Variants in L3MBTL1 observed in about 807,000 individuals in gnomAD.
L3MBTL1 encodes L3MBTL histone methyl-lysine binding protein 1.
A neutral mutation model predicts 105.3 loss-of-function variants in L3MBTL1; 75 were observed. That is an observed-to-expected ratio of 0.71 (90% CI 0.59 to 0.86). L3MBTL1 has a LOEUF of 0.86. Ranked by LOEUF, L3MBTL1 falls within the 40% of genes least tolerant of loss-of-function variation. The pLI is 0.00. For synonymous variants in L3MBTL1, 452 were observed against 436.2 expected (o/e 1.04, Z -0.45); for missense variants, 1,069 against 1,126.4 (o/e 0.95, Z 0.73).
At chr20:43,539,275 A>T (rs185168781) in intron 19 of L3MBTL1, 30 of 152,884 alleles carry the variant, frequency 2.0e-4, no homozygotes, top group Admixed American at 1.6e-3. Flanking sequence ...CTCCTGGACC[A>T]TGGACAGAGG....
chr20:43,514,533 G>C, intron 3 of L3MBTL1, 102 bp from the exon 4 acceptor site: 3 of 1,575,686 alleles, frequency 1.9e-6, no homozygotes, highest in Non-Finnish European at 2.6e-6. Context: ...CCTGCTGAGG[G>C]CGTGAGCTGG....
rs2019921985 is a variant in L3MBTL1 at position 43,541,698 on chromosome 20, ATATGTTCCACTATAATCT to A, written c.*575_*592del. 1.7e-5 allele frequency: 9 copies of A among 515,722 alleles called. No individual in the cohort carries two copies. The highest frequency in any genetic ancestry group is 2.3e-5 in the Non-Finnish European group (9 of 399,272). 31.9% of individuals were successfully genotyped at this position (515,722 alleles called of 1,614,324 possible). A position where few individuals can be genotyped will look rare whatever the true frequency, so the allele number is the denominator to read the frequency against. ...CAAGGGCCATGTATCAGGTTTCTGT[ATATGTTCCACTATAATCT>A]TATGGGACCATGGTTTTAAATGTGG... On this transcript the variant is annotated 3_prime_UTR_variant, in exon 22 of 22. Coordinates refer to ENST00000418998, the MANE Select transcript of L3MBTL1 (RefSeq NM_001377303.1).
rs899889917 is a variant in L3MBTL1 at position 43,516,098 on chromosome 20, G to A, written c.783G>A (p.Lys261=). ...ATCAGGCTTGCCTTCTACAGGAGAA[G>A]CAAGAAGAAGGAAAGGACCCAGAGG... ...EEESEPEAME[K]QEEGKDPEGQ... The change falls in exon 7 of 22, where the codon AAG becomes AAA. Residue 261 remains lysine (K), a synonymous_variant. Coordinates refer to ENST00000418998, the MANE Select transcript of L3MBTL1 (RefSeq NM_001377303.1). 1.9e-6 allele frequency: 3 copies of A among 1,613,102 alleles called. No individual in the cohort carries two copies. Among genetic ancestry groups the A allele is most frequent in the East Asian group, 2.2e-5 (1 of 44,888 alleles).
intron 21 of L3MBTL1, 39 bp from the exon 22 acceptor site, chr20:43,540,895 G>A (rs370833382): frequency 6.6e-5 from 106 of 1,612,340 alleles, no homozygotes; most frequent in Middle Eastern, 1.6e-4. Context: ...CCTCCCCAGC[G>A]TCACTTCTGC....
chr20:43,533,912 G>T (rs2019468610), intron 13 of L3MBTL1, 96 bp from the exon 14 acceptor site: 1 of 848,124 alleles, frequency 1.2e-6, no homozygotes, highest in Non-Finnish European at 2.0e-6. Flanking sequence ...TACTCCAAGG[G>T]CTTCTGTCCC....
chr20:43,513,942 C>CCAGT lies in L3MBTL1; in HGVS notation c.242_245dup (p.Ala84PhefsTer9). The CCAGT allele has an allele frequency of 6.5e-7, 1 of 1,550,048 alleles. No homozygotes were observed. The highest frequency in any genetic ancestry group is 8.7e-7 in the Non-Finnish European group (1 of 1,146,994). On this transcript the variant is annotated frameshift_variant, in exon 3 of 22. Coordinates refer to ENST00000418998, the MANE Select transcript of L3MBTL1 (RefSeq NM_001377303.1). LOFTEE classifies it high-confidence loss of function. Reference sequence around the variant, plus strand: ...CCCGGAGCAAGTGGCCGGCTGCGAACCAGTTTCTGCCACCGTCCTGCCGCA... The same window carrying CCAGT: ...CCCGGAGCAAGTGGCCGGCTGCGAACCAGTCAGTTTCTGCCACCGTCCTGCCGCA...
intron 6 of L3MBTL1, 133 bp from the exon 7 acceptor site, chr20:43,515,960 C>A: frequency 1.5e-6 from 1 of 648,826 alleles, no homozygotes. Flanking sequence ...CTGCTGGCGG[C>A]CTAGAAGAAA....
At chr20:43,514,982 G>A (rs773026915) in intron 4 of L3MBTL1, 27 bp from the exon 5 acceptor site, 25 of 1,608,538 alleles carry the variant, frequency 1.6e-5, no homozygotes, top group Non-Finnish European at 2.1e-5. Context: ...TGGGGAGGGA[G>A]GCCTGAGGCC....
rs533841289 is a variant in L3MBTL1 at position 43,510,062 on chromosome 20, A to C, written c.-29+2318A>C. Among the ~76,000 whole-genome samples, 7 of 152,162 alleles carry C rather than the reference A, an allele frequency of 4.6e-5. No homozygotes were observed. The East Asian group carries it at 1.4e-3, about 30-fold the overall frequency. On this transcript the variant is annotated intron_variant, in intron 1 of 21. Coordinates refer to ENST00000418998, the MANE Select transcript of L3MBTL1 (RefSeq NM_001377303.1). ...GTACTTTTGGTAGAGATGGAGTTTCAACATGTTGTCCAGGCTGGTTTTGAA... is the reference window on the plus strand; with the variant it reads ...GTACTTTTGGTAGAGATGGAGTTTCCACATGTTGTCCAGGCTGGTTTTGAA...
At chr20:43,527,722 CTT>C (rs113455397) in intron 7 of L3MBTL1, among the ~76,000 whole-genome samples, 73 of 141,582 alleles carry the variant, frequency 5.2e-4, no homozygotes, top group Admixed American at 4.2e-4. Flanking sequence ...AAAAGTGTTT[CTT>C]TTTTTTTTTT....
Position 43,515,113 on chromosome 20 carries a change from G to A in L3MBTL1, c.607G>A (p.Asp203Asn), listed in dbSNP as rs2018314698. Reference sequence around the variant, plus strand: ...CGGGCCTCACCAAGCCGCGGGTCCAGATCTTGGTTCCTCTAATGATGGCTG... The same window carrying A: ...CGGGCCTCACCAAGCCGCGGGTCCAAATCTTGGTTCCTCTAATGATGGCTG... ...ACGPHQAAGP[D>N]LGSSNDGCPQ... The change falls in exon 5 of 22, where the codon GAT becomes AAT. Residue 203 changes from aspartate (D) to asparagine (N), a missense_variant. Coordinates refer to ENST00000418998, the MANE Select transcript of L3MBTL1 (RefSeq NM_001377303.1). 1 of 1,614,070 alleles carries A rather than the reference G, an allele frequency of 6.2e-7. No individual in the cohort carries two copies. The highest frequency in any genetic ancestry group is 1.3e-5 in the African/African-American group (1 of 74,932).
At chr20:43,519,057 T>C (rs2018567012) in intron 7 of L3MBTL1, among the ~76,000 whole-genome samples, 1 of 150,126 alleles carries the variant, frequency 6.7e-6, no homozygotes, top group South Asian at 2.1e-4. Context: ...AAGAATACAC[T>C]TTAAGGCTAG....
At position 43,541,020 on chromosome 20, in the gene L3MBTL1, T is replaced by C. The variant is rs763594499; in HGVS notation, c.2481T>C (p.His827=). 2 of 1,614,180 alleles carry C rather than the reference T, an allele frequency of 1.2e-6. No individual in the cohort carries two copies. The highest frequency in any genetic ancestry group is 2.2e-5 in the South Asian group (2 of 91,090). Reference sequence around the variant, plus strand: ...TTGGGGACCTTGTGTGCTCAGATCATCTTCAGGAAGGAAAAGGCATCCTGG... The same window carrying C: ...TTGGGGACCTTGTGTGCTCAGATCACCTTCAGGAAGGAAAAGGCATCCTGG... ...AQLGDLVCSD[H]LQEGKGILET... Residue 827 remains histidine, a synonymous_variant, in exon 22 of 22, where the codon CAT becomes CAC. Transcript: ENST00000418998.
At position 43,541,073 on chromosome 20, in the gene L3MBTL1, C is replaced by G. The variant is rs546518008; in HGVS notation, c.2534C>G (p.Ser845Cys). 116 of 1,614,188 alleles carry G rather than the reference C, an allele frequency of 7.2e-5. No individual in the cohort carries two copies. Among genetic ancestry groups the G allele is most frequent in the Admixed American group, 6.2e-4 (37 of 60,028 alleles). The change falls in exon 22 of 22, where the codon TCT becomes TGT. Residue 845 changes from serine to cysteine, a missense_variant. Transcript: ENST00000418998. ...LETGVHSLLC[S>C]LPTHLLAKLS... ...ACAGGAGTCCATTCACTCCTCTGCT[C>G]TCTACCCACTCATTTGCTTGCCAAA... is the stretch of plus-strand genomic sequence containing the variant.
chr20:43,546,713 T>A (rs1212561363), downstream of L3MBTL1, among the ~76,000 whole-genome samples: 9 of 152,174 alleles, frequency 5.9e-5, no homozygotes. Flanking sequence ...CTGACTTCCC[T>A]CCTTGACTCT....
chr20:43,547,102 C>CTTTTTTTTTTTT (rs11478523), intron 18 of L3MBTL1, among the ~76,000 whole-genome samples: 1 of 122,646 alleles, frequency 8.2e-6, no homozygotes, highest in Non-Finnish European at 1.7e-5. Context: ...TTTTTAATGA[C>CTTTTTTTTTTTT]TTTTTTTTTT....
intron 7 of L3MBTL1, among the ~76,000 whole-genome samples, chr20:43,522,468 T>TTTTTTTTTTTTTTTTTTTTG (rs2018777902): frequency 8.3e-6 from 1 of 120,154 alleles, no homozygotes; most frequent in Non-Finnish European, 1.8e-5. Context: ...TTTTTTTTTT[T>TTTTTTTTTTTTTTTTTTTTG]TTTTTTTTTT....
chr20:43,528,697 C>T lies in L3MBTL1; in HGVS notation c.903C>T (p.Tyr301=), dbSNP rs746208342. ...AGGAATGCTGGTCGTGGGAGTCCTA[C>T]CTAGAGGAGCAGAAGGCCATTACTG... ...EKKECWSWES[Y]LEEQKAITAP... The change falls in exon 8 of 22, where the codon TAC becomes TAT. Residue 301 remains tyrosine (Y), a synonymous_variant. Coordinates refer to ENST00000418998, the MANE Select transcript of L3MBTL1 (RefSeq NM_001377303.1). The T allele has an allele frequency of 7.4e-6, 12 of 1,614,174 alleles. No homozygotes were observed. Among genetic ancestry groups the T allele is most frequent in the Non-Finnish European group, 1.0e-5 (12 of 1,179,992 alleles).
At chr20:43,526,153 A>T (rs973975580) in intron 7 of L3MBTL1, among the ~76,000 whole-genome samples, 1 of 152,220 alleles carries the variant, frequency 6.6e-6, no homozygotes, top group Non-Finnish European at 1.5e-5. Context: ...TGAAGCACCA[A>T]AGAGCAGCAG....
Sources: allele counts gnomAD v4.1 joint callset (sites outside exome capture counted in the v4.1 genomes callset), GRCh38; gene constraint gnomAD v4.1.1; transcripts MANE v1.5; gene names NCBI Gene and HGNC (gene_info 2026-07-23, HGNC 2026-07-21).